COBLL1: variants seen among roughly 807,000 people sequenced by gnomAD.
COBLL1 encodes the protein cordon-bleu protein-like 1.
Under a neutral mutation model 94.8 loss-of-function variants are expected in COBLL1, and 50 were observed. The ratio of observed to expected loss-of-function variants is 0.53; its 90% CI spans 0.42 to 0.67. The LOEUF is 0.67. Among genes scored for constraint, COBLL1 ranks in the 30% least tolerant of loss-of-function variants. The pLI is 0.00. For synonymous variants in COBLL1, 448 were observed against 473.8 expected (o/e 0.95, Z 0.71); for missense variants, 1,362 against 1,348.7 (o/e 1.01, Z -0.15).
chr2:164,677,961 A>G (rs947195136), downstream of COBLL1, among the ~76,000 whole-genome samples: 2 of 152,170 alleles, frequency 1.3e-5, no homozygotes, highest in Non-Finnish European at 2.9e-5. Flanking sequence ...ACTTTTGTCA[A>G]TAGGCTCAAA....
chr2:164,718,448 A>G (rs949567290), intron 7 of COBLL1, among the ~76,000 whole-genome samples: 6 of 152,186 alleles, frequency 3.9e-5, no homozygotes, highest in African/African-American at 4.8e-5. Context: ...CAAGAAGTAA[A>G]GTATAACATG....
At chr2:164,799,632 T>C (rs1016132020) in intron 2 of COBLL1, among the ~76,000 whole-genome samples, 1 of 152,136 alleles carries the variant, frequency 6.6e-6, no homozygotes, top group Non-Finnish European at 1.5e-5. Context: ...ATAAAGGAAC[T>C]AGAATTTTAA....
Position 164,694,916 on chromosome 2 carries a change from C to G in COBLL1, c.2476G>C (p.Ala826Pro). Residue 826 changes from alanine to proline, a missense_variant, in exon 12 of 14, where the codon GCT becomes CCT. Coordinates refer to ENST00000652658, the MANE Select transcript of COBLL1 (RefSeq NM_001365672.2). ...CCAGTGTCTCTTGTCATTTTGGGAG[C>G]AGGTTTCAGAGGACTAACCATGGCA... ...DDAMVSPLKPAPKMTRDTGTA... is the reference protein window; with the variant it reads ...DDAMVSPLKPPPKMTRDTGTA... 1 of 1,613,770 alleles carries G rather than the reference C, an allele frequency of 6.2e-7. No individual in the cohort carries two copies. The highest frequency in any genetic ancestry group is 8.5e-7 in the Non-Finnish European group (1 of 1,179,882).
intron 2 of COBLL1, among the ~76,000 whole-genome samples, chr2:164,763,957 C>T (rs1017008790): frequency 6.6e-6 from 1 of 152,086 alleles, no homozygotes; most frequent in Non-Finnish European, 1.5e-5. Context: ...AGTGCAGGGG[C>T]GTAACTGTGG....
intron 1 of COBLL1, among the ~76,000 whole-genome samples, chr2:164,669,643 T>C (rs1388071352): frequency 6.6e-6 from 1 of 152,206 alleles, no homozygotes; most frequent in Admixed American, 6.5e-5. Flanking sequence ...TTGGGAACAC[T>C]GCAAAACATT....
intron 2 of COBLL1, among the ~76,000 whole-genome samples, chr2:164,828,703 A>G (rs1180370672): frequency 2.0e-5 from 3 of 152,236 alleles, no homozygotes; most frequent in African/African-American, 7.2e-5. Flanking sequence ...AGCGTGACTA[A>G]GAAACTGACA....
intron 2 of COBLL1, among the ~76,000 whole-genome samples, chr2:164,804,189 G>A (rs1184573038): frequency 6.6e-6 from 1 of 151,842 alleles, no homozygotes; most frequent in Non-Finnish European, 1.5e-5. Context: ...TTTTCTTGGT[G>A]CTAATATGAA....
At chr2:164,704,599 G>A in intron 8 of COBLL1, 81 bp from the exon 9 acceptor site, 1 of 1,200,214 alleles carries the variant, frequency 8.3e-7, no homozygotes, top group African/African-American at 1.5e-5. Flanking sequence ...TAGTTATATA[G>A]TTCAGAAAGC....
At chr2:164,805,740 C>T (rs1282479669) in intron 2 of COBLL1, among the ~76,000 whole-genome samples, 4 of 152,068 alleles carry the variant, frequency 2.6e-5, no homozygotes, top group African/African-American at 9.7e-5. Flanking sequence ...TATTGAAGGA[C>T]ATCCTGTTTG....
intron 7 of COBLL1, among the ~76,000 whole-genome samples, chr2:164,719,192 A>G (rs1685326787): frequency 1.3e-5 from 2 of 152,086 alleles, no homozygotes; most frequent in Admixed American, 6.6e-5. Flanking sequence ...TTTGTCTCTA[A>G]TTAGATGTAA....
Position 164,739,378 on chromosome 2 carries a change from T to A in COBLL1, c.230+4309A>T, listed in dbSNP as rs544819932. Reference sequence around the variant, plus strand: ...CACTCACATTCCCCAAAATAGAACATCCTGAGCCCACCTGTGCATGAGATC... The same window carrying A: ...CACTCACATTCCCCAAAATAGAACAACCTGAGCCCACCTGTGCATGAGATC... On this transcript the variant is annotated intron_variant, in intron 3 of 13. Coordinates refer to ENST00000652658, the MANE Select transcript of COBLL1 (RefSeq NM_001365672.2). Among the ~76,000 whole-genome samples, 15 of 152,258 alleles carry A rather than the reference T, an allele frequency of 9.9e-5. No individual in the cohort carries two copies. In the East Asian group the frequency reaches 2.3e-3, roughly 23 times the overall value.
Position 164,812,028 on chromosome 2 carries a change from T to C in COBLL1, c.41+29128A>G, listed in dbSNP as rs565200590. ...AGACTCTTGATTAGATTCCAATTTG[T>C]AGTAACCATGACAACCCATTTCAAA... On this transcript the variant is annotated intron_variant, in intron 2 of 13. Transcript: ENST00000652658. 1.5e-4 allele frequency among the ~76,000 whole-genome samples: 23 copies of C among 151,968 alleles called. No individual in the cohort carries two copies. The South Asian group carries it at 1.9e-3, about 12-fold the overall frequency.
chr2:164,801,384 A>G (rs1683781574), intron 2 of COBLL1, among the ~76,000 whole-genome samples: 1 of 133,854 alleles, frequency 7.5e-6, no homozygotes, highest in African/African-American at 2.8e-5. Context: ...GCTTGCAGTG[A>G]GCCGAGATCG....
At chr2:164,701,779 G>C (rs1406680953) in intron 9 of COBLL1, among the ~76,000 whole-genome samples, 1 of 152,034 alleles carries the variant, frequency 6.6e-6, no homozygotes. Context: ...AGCCATGGAA[G>C]TAAATGTAAG....
rs1303181945 is a variant in COBLL1 at position 164,812,978 on chromosome 2, A to G, written c.41+28178T>C. ...ATTCACCTCAAAGATTTTACCATTG[A>G]TTCTTTTAAATAACAACTTTTTTCA... On this transcript the variant is annotated intron_variant, in intron 2 of 13. Coordinates refer to ENST00000652658, the MANE Select transcript of COBLL1 (RefSeq NM_001365672.2). Among the ~76,000 whole-genome samples the G allele has an allele frequency of 3.3e-5, 5 of 152,058 alleles. No homozygotes were observed. In the East Asian group the frequency reaches 9.6e-4, roughly 29 times the overall value.
chr2:164,667,647 C>T (rs1691182960), intron 1 of COBLL1, among the ~76,000 whole-genome samples: 1 of 152,190 alleles, frequency 6.6e-6, no homozygotes, highest in Non-Finnish European at 1.5e-5. Context: ...TTTGTTAAAC[C>T]TTGTGAACTA....
intron 2 of COBLL1, among the ~76,000 whole-genome samples, chr2:164,659,290 T>A (rs1010341603): frequency 2.0e-5 from 3 of 152,218 alleles, no homozygotes; most frequent in Non-Finnish European, 2.9e-5. Flanking sequence ...GAAGTCCTTT[T>A]TCTACAAAGG....
chr2:164,687,457 T>G, intron 13 of COBLL1: 2 of 1,401,614 alleles, frequency 1.4e-6, no homozygotes, highest in South Asian at 2.3e-5. Context: ...GAACTTGAAC[T>G]TGGCCCTGTG....
intron 2 of COBLL1, among the ~76,000 whole-genome samples, chr2:164,829,333 T>G (rs1380832449): frequency 6.6e-6 from 1 of 152,194 alleles, no homozygotes; most frequent in African/African-American, 2.4e-5. Flanking sequence ...CAGTCCAGCA[T>G]TAACACAGCA....
Sources: allele counts gnomAD v4.1 joint callset (sites outside exome capture counted in the v4.1 genomes callset), GRCh38; gene constraint gnomAD v4.1.1; transcripts MANE v1.5; gene names NCBI Gene and HGNC (gene_info 2026-07-23, HGNC 2026-07-21).